Variants in COL1A2 observed in about 807,000 individuals in gnomAD.
COL1A2 encodes collagen alpha-2(I) chain.
Under a neutral mutation model 174.3 loss-of-function variants are expected in COL1A2, and 49 were observed. The ratio of observed to expected loss-of-function variants is 0.28; its 90% CI spans 0.22 to 0.36. The LOEUF (loss-of-function observed/expected upper bound fraction) is 0.36. Among genes scored for constraint, COL1A2 ranks in the 10% least tolerant of loss-of-function variants. The pLI is 1.00. For missense variants in COL1A2, 1,438 were observed against 1,822.7 expected (o/e 0.79, Z 3.84); for synonymous variants, 655 against 606.6 (o/e 1.08, Z -1.17).
At chr7:94,400,737 T>G (rs1791673828) in intron 5 of COL1A2, among the ~76,000 whole-genome samples, 1 of 152,222 alleles carries the variant, frequency 6.6e-6, no homozygotes, top group Admixed American at 6.5e-5. Context: ...GAAACTAATT[T>G]GAGAAAAGTA....
intron 29 of COL1A2, among the ~76,000 whole-genome samples, chr7:94,414,532 C>A (rs925721828): frequency 6.6e-6 from 1 of 152,094 alleles, no homozygotes; most frequent in Non-Finnish European, 1.5e-5. Flanking sequence ...TATTTAATAG[C>A]CTTACTTTTT....
rs764327381 is a variant in COL1A2, at chr7:94,427,850, G to A, written c.3491G>A (p.Arg1164His). The A allele has an allele frequency of 9.9e-6, 16 of 1,614,024 alleles. No individual in the cohort carries two copies. The highest frequency in any genetic ancestry group is 6.7e-5 in the Admixed American group (4 of 60,010). Residue 1164 changes from arginine (R) to histidine (H), a missense_variant, in exon 49 of 52, where the codon CGT becomes CAT. Around this residue, in one of 3 missense-constraint regions of COL1A2, gnomAD observed 290 missense variants for 298.1 expected, o/e 0.97. Transcript: ENST00000297268. ...GSRKNPARTC[R>H]DLRLSHPEWS... is the part of the protein sequence containing the mutation. ...AGAAAGAACCCAGCTCGCACATGCC[G>A]TGACTTGAGACTCAGCCACCCAGAG... is the stretch of plus-strand genomic sequence containing the variant.
intron 12 of COL1A2, among the ~76,000 whole-genome samples, chr7:94,406,647 T>TAATA (rs1409892729): frequency 6.6e-6 from 1 of 152,168 alleles, no homozygotes; most frequent in East Asian, 1.9e-4. Flanking sequence ...CACTCTGTAT[T>TAATA]ATTTTAAACT....
rs767990110 is a variant in COL1A2, at chr7:94,408,248, C to A, written c.693+12C>A. The A allele has an allele frequency of 1.2e-5, 19 of 1,613,062 alleles. No individual in the cohort carries two copies. The highest frequency in any genetic ancestry group is 1.6e-4 in the Middle Eastern group (1 of 6,082). On this transcript the variant is annotated intron_variant, in intron 14 of 51. Coordinates refer to ENST00000297268, the MANE Select transcript of COL1A2 (RefSeq NM_000089.4). ...CCCCTGGCCCAGCTGTAAGTGCTTCCATTTTTGTTCAGTTTCATCCTTTTA... is the reference window on the plus strand; with the variant it reads ...CCCCTGGCCCAGCTGTAAGTGCTTCAATTTTTGTTCAGTTTCATCCTTTTA...
chr7:94,425,519 T>C, intron 42 of COL1A2, 91 bp from the exon 43 acceptor site: 10 of 1,311,002 alleles, frequency 7.6e-6, no homozygotes, highest in African/African-American at 1.4e-5. Flanking sequence ...TACTGAGCAC[T>C]GGAAGTGATG....
At chr7:94,413,571 G>T in intron 26 of COL1A2, 119 bp from the exon 27 acceptor site, 5 of 990,552 alleles carry the variant, frequency 5.0e-6, no homozygotes, top group Non-Finnish European at 8.0e-6. Flanking sequence ...AACCCACAAT[G>T]AGTTTAATTC....
At chr7:94,405,918 A>T (rs565191578) in intron 11 of COL1A2, among the ~76,000 whole-genome samples, 192 bp downstream of exon 11, 95 of 152,310 alleles carry the variant, frequency 6.2e-4, no homozygotes, top group Non-Finnish European at 9.9e-4. Context: ...GTTCATAGCT[A>T]CCAAAAAACA....
chr7:94,430,478 C>A lies in COL1A2; in HGVS notation c.*85C>A. 1 of 1,397,886 alleles carries A rather than the reference C, an allele frequency of 7.2e-7. No homozygotes were observed. Among genetic ancestry groups the A allele is most frequent in the Non-Finnish European group, 1.0e-6 (1 of 1,000,782 alleles). The allele number at this position is 1,397,886 out of a possible 1,614,324, so 86.6% of individuals were successfully genotyped here. A position where few individuals can be genotyped will look rare whatever the true frequency, so the allele number is the denominator to read the frequency against. On this transcript the variant is annotated 3_prime_UTR_variant, in exon 52 of 52. Transcript: ENST00000297268. ...CTTCTTCTTCTTTTTTAACTGAAAGCTGAATCCTTCCATTTCTTCTGCACA... is the reference window on the plus strand; with the variant it reads ...CTTCTTCTTCTTTTTTAACTGAAAGATGAATCCTTCCATTTCTTCTGCACA...
intron 9 of COL1A2, 36 bp from the exon 10 acceptor site, chr7:94,405,163 A>C (rs772499313): frequency 6.2e-7 from 1 of 1,611,208 alleles, no homozygotes; most frequent in East Asian, 2.2e-5. Flanking sequence ...ATAGTTTACC[A>C]AGAAGAAGTT....
intron 44 of COL1A2, 69 bp downstream of exon 44, chr7:94,425,926 T>A: frequency 6.2e-7 from 1 of 1,603,956 alleles, no homozygotes. Context: ...TCCCCACACT[T>A]GGGGATGGTG....
intron 6 of COL1A2, among the ~76,000 whole-genome samples, chr7:94,403,113 C>T (rs907030916): frequency 2.6e-5 from 4 of 152,078 alleles, no homozygotes; most frequent in South Asian, 2.1e-4. Context: ...AGCAAGGGGG[C>T]GGAAAGTAAA....
Position 94,415,990 on chromosome 7 carries a change from G to A in COL1A2, c.1765-415G>A, listed in dbSNP as rs934754435. ...TTATTACACAGGGTTATAAAAAGGG[G>A]GCATAGATAGGAGAATATCTAATGT... On this transcript the variant is annotated intron_variant, in intron 30 of 51. Transcript: ENST00000297268. Among the ~76,000 whole-genome samples the A allele has an allele frequency of 4.0e-5, 6 of 151,762 alleles. No homozygotes were observed. The East Asian group carries it at 9.7e-4, about 24-fold the overall frequency.
intron 21 of COL1A2, 24 bp downstream of exon 21, chr7:94,410,551 C>T (rs552673982): frequency 2.6e-6 from 4 of 1,515,876 alleles, no homozygotes; most frequent in African/African-American, 2.8e-5. Flanking sequence ...GCTCCCAACA[C>T]CCTAACACAC....
intron 51 of COL1A2, 73 bp downstream of exon 51, chr7:94,429,503 A>AG (rs1053546190): frequency 8.1e-5 from 125 of 1,546,756 alleles, no homozygotes; most frequent in African/African-American, 1.9e-4. Flanking sequence ...ACTGCCCCCA[A>AG]GGGGGGGTCT....
In COL1A2 at chr7:94,425,805, G is replaced by T. The variant is rs1085307707; in HGVS notation, c.2891G>T (p.Gly964Val). Residue 964 changes from glycine to valine, a missense_variant, in exon 44 of 52, where the codon GGT becomes GTT. Gly to Val is a moderately radical substitution (Grantham distance 109). Coordinates refer to ENST00000297268, the MANE Select transcript of COL1A2 (RefSeq NM_000089.4). The stretch of plus-strand genomic sequence containing the variant: ...CCCGTTGGTGCTGCAGGTGCACCTG[G>T]TCCTCATGGCCCCGTGGGTCCTGCT... ...IGPVGAAGAP[G>V]PHGPVGPAGK... 6.2e-7 allele frequency: 1 copy of T among 1,612,838 alleles called. No homozygotes were observed. Among genetic ancestry groups the T allele is most frequent in the South Asian group, 1.1e-5 (1 of 90,844 alleles).
In COL1A2 at chr7:94,420,251, G is replaced by T. The variant is rs72658160; in HGVS notation, c.2098G>T (p.Gly700Cys). 3 of 1,613,480 alleles carry T rather than the reference G, an allele frequency of 1.9e-6. No individual in the cohort carries two copies. Among genetic ancestry groups the T allele is most frequent in the Non-Finnish European group, 8.5e-7 (1 of 1,180,020 alleles). ...TGDRGEAGAAGPAGPAGPRGS... is the reference protein window; with the variant it reads ...TGDRGEAGAACPAGPAGPRGS... ...ATTATAGGGCGAAGCTGGGGCTGCT[G>T]GTCCTGCTGGTCCTGCTGGTCCTCG... The change falls in exon 35 of 52, where the codon GGT (glycine) becomes TGT (cysteine). Residue 700 changes from glycine (G) to cysteine (C), a missense_variant. By Grantham distance (159) the Gly-to-Cys change is radical. Around this residue, in one of 3 missense-constraint regions of COL1A2, gnomAD observed 867 missense variants for 1,213.7 expected, o/e 0.71. Coordinates refer to ENST00000297268, the MANE Select transcript of COL1A2 (RefSeq NM_000089.4).
chr7:94,412,587 C>T lies in COL1A2; in HGVS notation c.1408C>T (p.Leu470Phe), dbSNP rs775283092. ...CTTGAAATAACTCTGCTTTCAGGGC[C>T]TCCCTGGCATCGACGGCAGGCCTGG... The part of the protein sequence containing the change: ...GPAGKEGPVG[L>F]PGIDGRPGPI... Residue 470 changes from leucine (L) to phenylalanine (F), a missense_variant, in exon 25 of 52, where the codon CTC becomes TTC. Physicochemically the swap from Leu to Phe is conservative, Grantham distance 22. Coordinates refer to ENST00000297268, the MANE Select transcript of COL1A2 (RefSeq NM_000089.4). The T allele has an allele frequency of 2.7e-5, 44 of 1,613,364 alleles. 1 individual carries two copies. The South Asian group carries it at 4.4e-4, about 16-fold the overall frequency.
chr7:94,406,326 T>C, intron 12 of COL1A2, 23 bp downstream of exon 12: 2 of 1,612,142 alleles, frequency 1.2e-6, no homozygotes, highest in Non-Finnish European at 1.7e-6. Flanking sequence ...TTAGAAGCAC[T>C]GTTTTTAAGC....
intron 40 of COL1A2, 32 bp from the exon 41 acceptor site, chr7:94,424,304 C>T (rs1452987273): frequency 1.3e-6 from 2 of 1,572,346 alleles, no homozygotes; most frequent in Admixed American, 1.7e-5. Context: ...TAGGGTCTTA[C>T]CCATAATACT....
Sources: gnomAD v4.1 joint callset for allele counts (sites outside exome capture counted in the v4.1 genomes callset) on GRCh38, gnomAD v4.1.1 for gene constraint, gnomAD v4.1.1 regional missense constraint, MANE v1.5 for transcripts, NCBI Gene and HGNC (gene_info 2026-07-23, HGNC 2026-07-21) for gene names.